Variants in RNF17 observed in about 807,000 individuals in gnomAD.
RNF17 encodes the protein spermatogenesis associated 23.
RNF17 carries 31 observed loss-of-function variants against 200.5 expected under a neutral mutation model. That is an observed-to-expected ratio of 0.15 (90% CI 0.12 to 0.21). The LOEUF (loss-of-function observed/expected upper bound fraction) is 0.21. Ranked by LOEUF, RNF17 falls within the 10% of genes least tolerant of loss-of-function variation. The pLI is 1.00. For missense variants in RNF17, 1,628 were observed against 1,905.1 expected, an observed-to-expected ratio of 0.85 and a Z score of 2.71; for synonymous variants, 606 against 637.8, an observed-to-expected ratio of 0.95 and a Z score of 0.75.
At chr13:24,790,782 C>T (rs1027202290) in intron 9 of RNF17, among the ~76,000 whole-genome samples, 1 of 152,098 alleles carries the variant, frequency 6.6e-6, no homozygotes, top group Non-Finnish European at 1.5e-5. Context: ...CATGGAAGAG[C>T]ATAAAAGGGA....
At chr13:24,826,349 C>T (rs1888636768) in intron 16 of RNF17, among the ~76,000 whole-genome samples, 1 of 152,170 alleles carries the variant, frequency 6.6e-6, no homozygotes, top group African/African-American at 2.4e-5. Context: ...TATTCCCCAG[C>T]ATTGACTAAG....
intron 6 of RNF17, among the ~76,000 whole-genome samples, chr13:24,784,622 A>C (rs1202447553): frequency 6.6e-6 from 1 of 152,142 alleles, no homozygotes; most frequent in East Asian, 1.9e-4. Context: ...ATTTGTGTAC[A>C]GTTGTTCATA....
intron 5 of RNF17, 84 bp downstream of exon 5, chr13:24,779,831 G>A (rs1882103647): frequency 8.5e-6 from 9 of 1,061,904 alleles, no homozygotes; most frequent in South Asian, 6.6e-5. Context: ...TTACCACTGA[G>A]GTTAGAGCTT....
chr13:24,768,933 T>C (rs1880214215), intron 2 of RNF17, among the ~76,000 whole-genome samples: 1 of 151,316 alleles, frequency 6.6e-6, no homozygotes, highest in African/African-American at 2.4e-5. Flanking sequence ...GTTTAAATTA[T>C]AACAAAAAAT....
intron 30 of RNF17, among the ~76,000 whole-genome samples, chr13:24,868,386 C>T (rs1893875684): frequency 7.3e-6 from 1 of 137,522 alleles, no homozygotes; most frequent in Non-Finnish European, 1.5e-5. Context: ...AGGAGAATGG[C>T]GTGAACCCGG....
Position 24,831,995 on chromosome 13 carries a change from C to G in RNF17, c.2482+17C>G. On this transcript the variant is annotated intron_variant, in intron 18 of 35. Coordinates refer to ENST00000255324, the MANE Select transcript of RNF17 (RefSeq NM_031277.3). ...CAGTTATCAGTAAGTTCCATTTTTA[C>G]TTGTTATGTAATCACATATAATTTT... The G allele has an allele frequency of 6.7e-7, 1 of 1,493,042 alleles. No homozygotes were observed. Among genetic ancestry groups the G allele is most frequent in the Non-Finnish European group, 9.1e-7 (1 of 1,094,748 alleles). 92.5% of individuals were successfully genotyped at this position (1,493,042 alleles called of 1,614,324 possible).
chr13:24,767,896 C>T lies in RNF17; in HGVS notation c.225+530C>T, dbSNP rs568401856. Reference sequence around the variant, plus strand: ...AAAGGCGCTAAAGTCATACACTTATCGGCCTACATATTTTGATTCTTTGGT... The same window carrying T: ...AAAGGCGCTAAAGTCATACACTTATTGGCCTACATATTTTGATTCTTTGGT... On this transcript the variant is annotated intron_variant, in intron 2 of 35. Coordinates refer to ENST00000255324, the MANE Select transcript of RNF17 (RefSeq NM_031277.3). Among the ~76,000 whole-genome samples the T allele has an allele frequency of 5.3e-5, 8 of 152,256 alleles. No homozygotes were observed. The East Asian group carries it at 5.8e-4, about 11-fold the overall frequency.
At chr13:24,766,491 T>C (rs539176145) in intron 1 of RNF17, among the ~76,000 whole-genome samples, 1 of 152,326 alleles carries the variant, frequency 6.6e-6, no homozygotes, top group Admixed American at 6.5e-5. Context: ...AAAATGTGAG[T>C]TGTAGATATG....
intron 30 of RNF17, 136 bp from the exon 31 acceptor site, chr13:24,868,464 C>T (rs1319265885): frequency 3.2e-5 from 9 of 278,858 alleles, no homozygotes; most frequent in African/African-American, 2.2e-4. Context: ...AGCGAGACTC[C>T]GTCTCAAAAA....
chr13:24,821,581 C>T (rs1888060058), intron 15 of RNF17, among the ~76,000 whole-genome samples: 1 of 152,068 alleles, frequency 6.6e-6, no homozygotes, highest in African/African-American at 2.4e-5. Context: ...TTCCTATCTT[C>T]AAGTTCACTG....
chr13:24,838,952 C>G (rs996604452), intron 18 of RNF17, among the ~76,000 whole-genome samples: 1 of 152,138 alleles, frequency 6.6e-6, no homozygotes, highest in African/African-American at 2.4e-5. Flanking sequence ...GCTCCTAGAA[C>G]TGATAAAATA....
At chr13:24,866,337 G>A (rs1893621109) in intron 30 of RNF17, 134 bp downstream of exon 30, 1 of 522,876 alleles carries the variant, frequency 1.9e-6, no homozygotes, top group Admixed American at 4.0e-5. Context: ...TGAATATACA[G>A]TTCAGTGTTG....
chr13:24,852,840 G>A (rs1288877283), intron 24 of RNF17, among the ~76,000 whole-genome samples: 3 of 152,168 alleles, frequency 2.0e-5, no homozygotes, highest in Non-Finnish European at 2.9e-5. Flanking sequence ...ATCTTAAGGC[G>A]GCGGTGGGTT....
At chr13:24,884,369 G>GTGAC (rs1211892690), downstream of RNF17, 1 of 1,614,148 alleles carries the variant, frequency 6.2e-7, no homozygotes, top group Admixed American at 1.7e-5. Flanking sequence ...ATTAAAGAAA[G>GTGAC]TGACAGTGAT....
chr13:24,884,814 G>A (rs1487133489), downstream of RNF17, among the ~76,000 whole-genome samples: 1 of 152,144 alleles, frequency 6.6e-6, no homozygotes, highest in African/African-American at 2.4e-5. Context: ...AATAGAAATG[G>A]ACCAGATTAG....
intron 25 of RNF17, 139 bp from the exon 26 acceptor site, chr13:24,858,862 T>G: frequency 3.5e-6 from 2 of 572,632 alleles, no homozygotes; most frequent in East Asian, 2.8e-5. Context: ...TAGTATGTTT[T>G]AAAACACACA....
the RNF17 span, chr13:24,886,132 G>A: frequency 1.1e-4 from 46 of 418,332 alleles, no homozygotes; most frequent in South Asian, 6.4e-4. Flanking sequence ...AAATAAACAC[G>A]CCCCCACCAA....
the RNF17 span, chr13:24,751,453 A>G: frequency 6.6e-6 from 1 of 150,898 alleles, no homozygotes; most frequent in Non-Finnish European, 1.5e-5. Context: ...CTTTCTTTTT[A>G]CTGCATTCTT....
intron 15 of RNF17, among the ~76,000 whole-genome samples, chr13:24,818,235 C>T (rs1048096422): frequency 1.3e-5 from 2 of 151,948 alleles, no homozygotes; most frequent in Non-Finnish European, 2.9e-5. Context: ...GTCATAGAGA[C>T]AAATACATTT....
Sources: gnomAD v4.1 joint callset for allele counts (sites outside exome capture counted in the v4.1 genomes callset) on GRCh38, gnomAD v4.1.1 for gene constraint, MANE v1.5 for transcripts, NCBI Gene and HGNC (gene_info 2026-07-23, HGNC 2026-07-21) for gene names.